The following PGM3 variants were observed in gnomAD, a reference collection of about 807,000 sequenced individuals.
The protein encoded by PGM3 is phosphoacetylglucosamine mutase.
A neutral mutation model predicts 66.2 loss-of-function variants in PGM3; 40 were observed. The observed-to-expected ratio is 0.60, with a 90% CI of 0.47 to 0.79. The LOEUF is 0.79. Among genes scored for constraint, PGM3 ranks in the 30% least tolerant of loss-of-function variants. The probability of loss-of-function intolerance (pLI) is 0.00; values close to 1 mark genes in which losing one functional copy is unlikely to be tolerated. For synonymous variants in PGM3, 191 were observed against 224.2 expected (o/e 0.85, Z 1.32); for missense variants, 537 against 643.4 (o/e 0.83, Z 1.79).
chr6:83,151,671 T>C, the PGM3 span: 1 of 1,591,586 alleles, frequency 6.3e-7, no homozygotes. Context: ...TAAGGCAGTC[T>C]AAGAGCTGTT....
chr6:83,173,376 T>C (rs1319067353), intron 10 of PGM3, among the ~76,000 whole-genome samples: 2 of 152,202 alleles, frequency 1.3e-5, no homozygotes, highest in Non-Finnish European at 2.9e-5. Context: ...TGGATAACTC[T>C]AAGGCTCAGC....
chr6:83,150,105 TG>T, the PGM3 span, among the ~76,000 whole-genome samples: 1 of 152,218 alleles, frequency 6.6e-6, no homozygotes, highest in African/African-American at 2.4e-5. Flanking sequence ...CCACATGCGG[TG>T]GCTCATGCCT....
At chr6:83,160,825 A>G (rs917887092), downstream of PGM3, among the ~76,000 whole-genome samples, 5 of 152,292 alleles carry the variant, frequency 3.3e-5, no homozygotes, top group African/African-American at 1.2e-4. Context: ...GATAAAGAGT[A>G]TGCTACTGAG....
intron 10 of PGM3, among the ~76,000 whole-genome samples, chr6:83,173,815 C>T (rs1234995688): frequency 2.6e-5 from 4 of 152,186 alleles, no homozygotes; most frequent in Non-Finnish European, 5.9e-5. Flanking sequence ...TGGCTCACTG[C>T]AAGCTCTGCC....
intron 2 of PGM3, among the ~76,000 whole-genome samples, chr6:83,189,300 C>T (rs930372999): frequency 3.3e-5 from 5 of 152,070 alleles, no homozygotes; most frequent in East Asian, 1.9e-4. Flanking sequence ...TGTCAACCAG[C>T]GGGTAGGACA....
downstream of PGM3, chr6:83,158,589 A>T: frequency 6.2e-7 from 1 of 1,608,558 alleles, no homozygotes; most frequent in Non-Finnish European, 8.5e-7. Flanking sequence ...TTACTGATGG[A>T]GCAGGAACTC....
the PGM3 span, among the ~76,000 whole-genome samples, chr6:83,153,118 C>T: frequency 1.3e-5 from 2 of 151,776 alleles, no homozygotes; most frequent in South Asian, 4.2e-4. Context: ...TGTTAATTGA[C>T]AGTGTTGGAA....
the PGM3 span, chr6:83,154,338 A>G: frequency 8.9e-7 from 1 of 1,126,968 alleles, no homozygotes. Flanking sequence ...AGACTACTGA[A>G]TTAGCTCTTT....
downstream of PGM3, chr6:83,157,264 A>G: frequency 6.2e-7 from 1 of 1,613,988 alleles, no homozygotes; most frequent in African/African-American, 1.3e-5. Context: ...TGTTACTTTT[A>G]AGAATGTCTC....
chr6:83,176,266 G>A (rs1323842820), intron 8 of PGM3: 18 of 460,998 alleles, frequency 3.9e-5, no homozygotes, highest in Admixed American at 1.7e-4. Flanking sequence ...GGTAAAGCAC[G>A]GTGAGAGAGA....
intron 11 of PGM3, 54 bp downstream of exon 11, chr6:83,171,883 A>ATAGG: frequency 7.5e-7 from 1 of 1,335,548 alleles, no homozygotes; most frequent in Non-Finnish European, 1.1e-6. Context: ...AATTGGGATA[A>ATAGG]TAGGTTTTAC....
At chr6:83,152,137 C>A in the PGM3 span, 1 of 1,285,636 alleles carries the variant, frequency 7.8e-7, no homozygotes, top group Non-Finnish European at 1.1e-6. Context: ...TTTCTCATGT[C>A]TAACAAGTAA....
intron 4 of PGM3, among the ~76,000 whole-genome samples, chr6:83,183,221 TTC>T (rs112571455): frequency 2.6e-5 from 4 of 152,202 alleles, no homozygotes; most frequent in African/African-American, 9.6e-5. Context: ...AATAATTGAG[TTC>T]TGTTTCCAGT....
In PGM3 at chr6:83,174,502, T is replaced by C; in HGVS notation, c.1129-15A>G. 7.2e-7 allele frequency: 1 copy of C among 1,389,936 alleles called. No individual in the cohort carries two copies. The highest frequency in any genetic ancestry group is 1.0e-6 in the Non-Finnish European group (1 of 1,001,210). 86.1% of individuals were successfully genotyped at this position (1,389,936 alleles called of 1,614,324 possible). On this transcript the variant is annotated splice_polypyrimidine_tract_variant and intron_variant, in intron 9 of 12. Transcript: ENST00000513973. Reference sequence around the variant, plus strand: ...CTAAACAGTGCCTGCAGCAAAAGAATATAAAATCAGTCTCAAAACACTATC... The same window carrying C: ...CTAAACAGTGCCTGCAGCAAAAGAACATAAAATCAGTCTCAAAACACTATC...
chr6:83,152,225 C>T, the PGM3 span: 1 of 934,680 alleles, frequency 1.1e-6, no homozygotes, highest in Non-Finnish European at 1.6e-6. Context: ...CACACACACA[C>T]ACACACATAA....
At position 83,166,632 on chromosome 6, in the gene PGM3, A is replaced by G. The variant is rs771970050; in HGVS notation, c.*2602T>C. 140 of 970,482 alleles carry G rather than the reference A, an allele frequency of 1.4e-4. No individual in the cohort carries two copies. Among genetic ancestry groups the G allele is most frequent in the Non-Finnish European group, 1.9e-4 (134 of 719,384 alleles). 60.1% of individuals were successfully genotyped at this position (970,482 alleles called of 1,614,324 possible). A position where few individuals can be genotyped will look rare whatever the true frequency, so the allele number is the denominator to read the frequency against. On this transcript the variant is annotated 3_prime_UTR_variant, in exon 13 of 13. Coordinates refer to ENST00000513973, the MANE Select transcript of PGM3 (RefSeq NM_015599.3). ...TTTATTTAAGAATGTACTCCAATAT[A>G]AAACGGCAAATTTCAACAATGCAAA...
intron 10 of PGM3, 150 bp from the exon 11 acceptor site, chr6:83,172,209 C>T: frequency 2.7e-6 from 2 of 737,740 alleles, no homozygotes; most frequent in Non-Finnish European, 2.2e-6. Context: ...GTGAAAAATT[C>T]CACACCTGGC....
At chr6:83,158,253 G>A (rs528112050), downstream of PGM3, among the ~76,000 whole-genome samples, 84 of 152,006 alleles carry the variant, frequency 5.5e-4, no homozygotes, top group Non-Finnish European at 8.7e-4. Flanking sequence ...TGCCCACCTC[G>A]ACCTCCCAAA....
At chr6:83,177,294 TAATGAG>T (rs1371330543) in intron 8 of PGM3, among the ~76,000 whole-genome samples, 1 of 152,164 alleles carries the variant, frequency 6.6e-6, no homozygotes, top group Non-Finnish European at 1.5e-5. Context: ...AACTTCTCGA[TAATGAG>T]AAAGTATAGG....
Sources: allele counts gnomAD v4.1 joint callset (sites outside exome capture counted in the v4.1 genomes callset), GRCh38; gene constraint gnomAD v4.1.1; transcripts MANE v1.5; gene names NCBI Gene and HGNC (gene_info 2026-07-23, HGNC 2026-07-21).